The following GABRB1 variants were observed in gnomAD, a reference collection of about 807,000 sequenced individuals.
The protein encoded by GABRB1 is gamma-aminobutyric acid type A receptor subunit beta1.
In GABRB1, 17 loss-of-function variants were observed where a neutral mutation model predicts 51.6. That is an observed-to-expected ratio of 0.33 (90% CI 0.23 to 0.49). The LOEUF (loss-of-function observed/expected upper bound fraction) is 0.49, where lower values mean the gene tolerates loss of function less well. Among genes scored for constraint, GABRB1 ranks in the 20% least tolerant of loss-of-function variants. GABRB1 has a pLI of 0.99. For missense variants in GABRB1, 410 were observed against 600.6 expected (o/e 0.68, Z 3.32); for synonymous variants, 247 against 218.9 (o/e 1.13, Z -1.14).
chr4:47,098,182 A>ACT (rs1426977296), intron 3 of GABRB1, among the ~76,000 whole-genome samples: 2 of 131,050 alleles, frequency 1.5e-5, no homozygotes, highest in African/African-American at 5.1e-5. Context: ...ACACACACAC[A>ACT]CACACACATG....
chr4:47,359,864 A>T (rs1292704354), intron 5 of GABRB1, among the ~76,000 whole-genome samples: 1 of 152,076 alleles, frequency 6.6e-6, no homozygotes, highest in Non-Finnish European at 1.5e-5. Flanking sequence ...AAACACCTCA[A>T]TGAGATGGTG....
Position 47,099,668 on chromosome 4 carries a change from C to G in GABRB1, c.241-61581C>G, listed in dbSNP as rs187316541. Among the ~76,000 whole-genome samples the G allele has an allele frequency of 1.6e-4, 24 of 152,154 alleles. 1 individual carries two copies. The highest frequency in any genetic ancestry group is 1.3e-3 in the Admixed American group (20 of 15,250). ...GAAGCAAATGATGCTTCTCAGTCAT[C>G]ACACCTGGGGAAAAGTCTCTGTAGA... On this transcript the variant is annotated intron_variant, in intron 3 of 8. Transcript: ENST00000295454.
intron 5 of GABRB1, among the ~76,000 whole-genome samples, chr4:47,338,535 C>T (rs1725778418): frequency 6.6e-6 from 1 of 152,146 alleles, no homozygotes; most frequent in African/African-American, 2.4e-5. Context: ...CACAGGCTAG[C>T]GACTCAATTC....
At chr4:47,390,396 C>A (rs1287938382) in intron 5 of GABRB1, among the ~76,000 whole-genome samples, 2 of 152,220 alleles carry the variant, frequency 1.3e-5, no homozygotes, top group African/African-American at 4.8e-5. Flanking sequence ...CAAGACTAGA[C>A]CATCCCCCTA....
chr4:47,251,321 G>T (rs3098797), intron 4 of GABRB1, among the ~76,000 whole-genome samples: 99,735 of 152,022 alleles, frequency 0.66, 33,043 homozygotes, highest in South Asian at 0.82. Flanking sequence ...TTCAGTCATA[G>T]ATACCAGCAA....
intron 4 of GABRB1, among the ~76,000 whole-genome samples, chr4:47,214,310 T>C (rs1193984462): frequency 6.6e-6 from 1 of 152,202 alleles, no homozygotes; most frequent in Non-Finnish European, 1.5e-5. Context: ...CAATCATTCC[T>C]CAGCCCTCTG....
At chr4:47,358,791 G>A (rs1022543953) in intron 5 of GABRB1, among the ~76,000 whole-genome samples, 6 of 152,116 alleles carry the variant, frequency 3.9e-5, no homozygotes, top group South Asian at 2.1e-4. Flanking sequence ...CAATGAACCC[G>A]AATGTAACTG....
At chr4:47,252,512 T>TTTC (rs1410927924) in intron 4 of GABRB1, among the ~76,000 whole-genome samples, 2 of 146,526 alleles carry the variant, frequency 1.4e-5, no homozygotes, top group East Asian at 4.0e-4. Context: ...ATTGCCTTTT[T>TTTC]TTTTTTTTTT....
chr4:47,203,999 G>C (rs750783262), intron 4 of GABRB1, among the ~76,000 whole-genome samples: 1 of 152,142 alleles, frequency 6.6e-6, no homozygotes, highest in Non-Finnish European at 1.5e-5. Flanking sequence ...ATTTCTCCGT[G>C]CTTTGCACTC....
At chr4:47,011,588 A>G (rs183182930) in intron 1 of GABRB1, among the ~76,000 whole-genome samples, 1 of 152,202 alleles carries the variant, frequency 6.6e-6, no homozygotes, top group Admixed American at 6.5e-5. Context: ...GGGCATGCAC[A>G]TCTGTTCTGG....
intron 4 of GABRB1, among the ~76,000 whole-genome samples, chr4:47,170,781 A>G (rs969249416): frequency 5.9e-5 from 9 of 152,102 alleles, no homozygotes; most frequent in African/African-American, 1.9e-4. Flanking sequence ...AGAATAGGTA[A>G]CTCAGTTTAT....
intron 5 of GABRB1, among the ~76,000 whole-genome samples, chr4:47,371,096 C>A (rs1159522782): frequency 7.1e-6 from 1 of 141,200 alleles, no homozygotes. Context: ...CCCCCACCCC[C>A]ACCCTGACAG....
intron 8 of GABRB1, 141 bp downstream of exon 8, chr4:47,407,067 T>C (rs1456743582): frequency 4.7e-6 from 4 of 853,208 alleles, no homozygotes. Context: ...TTTTACATAT[T>C]CAGGGACTGA....
chr4:47,188,006 C>T (rs1004102268), intron 4 of GABRB1, among the ~76,000 whole-genome samples: 1 of 151,924 alleles, frequency 6.6e-6, no homozygotes, highest in Non-Finnish European at 1.5e-5. Context: ...TGTTTTTCAT[C>T]TTAGCAATTA....
At chr4:47,040,148 A>G (rs768869631) in intron 3 of GABRB1, among the ~76,000 whole-genome samples, 17 of 152,204 alleles carry the variant, frequency 1.1e-4, no homozygotes, top group Admixed American at 5.9e-4. Flanking sequence ...CTACACACTC[A>G]CATGCAAACA....
intron 4 of GABRB1, among the ~76,000 whole-genome samples, chr4:47,260,380 T>C (rs1462455709): frequency 6.6e-6 from 1 of 152,198 alleles, no homozygotes; most frequent in Non-Finnish European, 1.5e-5. Flanking sequence ...TGATGTTAGC[T>C]GGTTATTTTG....
intron 1 of GABRB1, among the ~76,000 whole-genome samples, chr4:47,009,525 GA>G (rs1342397021): frequency 6.6e-6 from 1 of 151,942 alleles, no homozygotes; most frequent in East Asian, 1.9e-4. Context: ...GTTTTTTTAA[GA>G]AGAAAAAAAT....
chr4:47,141,586 G>C (rs1445392050), intron 3 of GABRB1, among the ~76,000 whole-genome samples: 1 of 151,772 alleles, frequency 6.6e-6, no homozygotes, highest in East Asian at 1.9e-4. Flanking sequence ...CTTTCATCTT[G>C]ACTCATTCAC....
intron 5 of GABRB1, among the ~76,000 whole-genome samples, chr4:47,375,581 T>C (rs1727348704): frequency 3.3e-5 from 5 of 152,190 alleles, no homozygotes; most frequent in Admixed American, 3.3e-4. Flanking sequence ...CACTCAACGA[T>C]CCAGATGATG....
Sources: gnomAD v4.1 joint callset for allele counts (sites outside exome capture counted in the v4.1 genomes callset) on GRCh38, gnomAD v4.1.1 for gene constraint, MANE v1.5 for transcripts, NCBI Gene and HGNC (gene_info 2026-07-23, HGNC 2026-07-21) for gene names.